CYP24A1: variants seen among roughly 807,000 people sequenced by gnomAD.
CYP24A1 encodes the protein 1,25-dihydroxyvitamin D(3) 24-hydroxylase, mitochondrial.
In CYP24A1, 68 loss-of-function variants were observed where a neutral mutation model predicts 62.4. The observed-to-expected ratio is 1.09, with a 90% CI of 0.90 to 1.33. The LOEUF is 1.33. Among genes scored for constraint, CYP24A1 ranks in the 40% most tolerant of loss-of-function variants. CYP24A1 has a pLI of 0.00. For synonymous variants in CYP24A1, 267 were observed against 253.0 expected, an observed-to-expected ratio of 1.06 and a Z score of -0.52; for missense variants, 787 against 653.0, an observed-to-expected ratio of 1.21 and a Z score of -2.24.
In CYP24A1 at chr20:54,158,949, G is replaced by C. The variant is rs757064428; in HGVS notation, c.1157+8C>G. ...CACATTTATATTGGCTCAGAGATAG[G>C]CTCTTACCTCATAGATTCTTTCAGA... On this transcript the variant is annotated splice_region_variant and intron_variant, in intron 8 of 11. Coordinates refer to ENST00000216862, the MANE Select transcript of CYP24A1 (RefSeq NM_000782.5). The C allele has an allele frequency of 6.2e-7, 1 of 1,614,108 alleles. No homozygotes were observed. Among genetic ancestry groups the C allele is most frequent in the South Asian group, 1.1e-5 (1 of 91,074 alleles).
chr20:54,157,358 C>T lies in CYP24A1; in HGVS notation c.1434+30G>A, dbSNP rs547249121. ...TTCTGCCTTGTGAAACAGCACAGAA[C>T]ATAATTGCAGAAACCGGTAAAGGTT... is the stretch of plus-strand genomic sequence containing the variant. On this transcript the variant is annotated intron_variant, in intron 10 of 11. Coordinates refer to ENST00000216862, the MANE Select transcript of CYP24A1 (RefSeq NM_000782.5). The T allele has an allele frequency of 7.9e-6, 12 of 1,512,338 alleles. No individual in the cohort carries two copies. In the South Asian group the frequency reaches 1.1e-4, roughly 14 times the overall value. The allele number at this position is 1,512,338 out of a possible 1,614,324, so 93.7% of individuals were successfully genotyped here. A position where few individuals can be genotyped will look rare whatever the true frequency, so the allele number is the denominator to read the frequency against.
At chr20:54,152,336 C>T (rs74859533), downstream of CYP24A1, among the ~76,000 whole-genome samples, 1,680 of 152,346 alleles carry the variant, frequency 0.011, 33 homozygotes, top group African/African-American at 0.038. Flanking sequence ...CTGCAATGTA[C>T]ACTCCAGAGC....
downstream of CYP24A1, among the ~76,000 whole-genome samples, chr20:54,152,092 C>T (rs991589874): frequency 3.3e-5 from 5 of 152,212 alleles, no homozygotes; most frequent in African/African-American, 1.2e-4. Context: ...TTGCTCCACC[C>T]TGTGCTCCTC....
At chr20:54,156,842 C>A (rs2092629686) in intron 11 of CYP24A1, among the ~76,000 whole-genome samples, 1 of 152,142 alleles carries the variant, frequency 6.6e-6, no homozygotes, top group Non-Finnish European at 1.5e-5. Flanking sequence ...CCAACTGGCC[C>A]TTTACGGAAA....
chr20:54,161,163 C>A (rs1239193369), intron 7 of CYP24A1, among the ~76,000 whole-genome samples: 1 of 152,262 alleles, frequency 6.6e-6, no homozygotes, highest in African/African-American at 2.4e-5. Flanking sequence ...CAGCTCTGAC[C>A]ACATTTACTA....
At chr20:54,167,629 C>G (rs1428530213) in intron 4 of CYP24A1, among the ~76,000 whole-genome samples, 1 of 152,070 alleles carries the variant, frequency 6.6e-6, no homozygotes, top group Non-Finnish European at 1.5e-5. Context: ...AAAAATCAGC[C>G]AGGCATGGTG....
intron 4 of CYP24A1, among the ~76,000 whole-genome samples, chr20:54,166,579 C>T (rs1460133935): frequency 1.3e-5 from 2 of 152,174 alleles, no homozygotes; most frequent in East Asian, 3.8e-4. Flanking sequence ...AATACTTTAG[C>T]AGTAATGTCC....
chr20:54,164,413 T>C, intron 6 of CYP24A1, 39 bp downstream of exon 6: 1 of 1,613,836 alleles, frequency 6.2e-7, no homozygotes, highest in Non-Finnish European at 8.5e-7. Context: ...ACGGGGGTGC[T>C]GGGCTGGTTC....
At position 54,162,734 on chromosome 20, in the gene CYP24A1, G is replaced by A; in HGVS notation, c.973C>T (p.Leu325=). The change falls in exon 7 of 12, where the codon CTG becomes TTG. Residue 325 remains leucine, a synonymous_variant. Transcript: ENST00000216862. ...ELYAAVTELQ[L]AAVETTANSL... is the part of the protein sequence containing the mutation. Reference sequence around the variant, plus strand: ...ACCCTTACCGTTTCCACCGCAGCCAGCTGGAGCTCTGTGACAGCAGCATAC... The same window carrying A: ...ACCCTTACCGTTTCCACCGCAGCCAACTGGAGCTCTGTGACAGCAGCATAC... 1 of 1,602,452 alleles carries A rather than the reference G, an allele frequency of 6.2e-7. No homozygotes were observed.
In CYP24A1 at chr20:54,171,666, C is replaced by T; in HGVS notation, c.454G>A (p.Gly152Arg). 1 of 1,613,892 alleles carries T rather than the reference C, an allele frequency of 6.2e-7. No homozygotes were observed. The highest frequency in any genetic ancestry group is 8.5e-7 in the Non-Finnish European group (1 of 1,179,892). Residue 152 changes from glycine to arginine, a missense_variant, in exon 3 of 12, where the codon GGG (glycine) becomes AGG (arginine). Gly to Arg is a moderately radical substitution (Grantham distance 125). Transcript: ENST00000216862. The stretch of plus-strand genomic sequence containing the variant: ...CTCCGGACCCGCTGCCAGTCTTCCC[C>T]TTCCCTGTGAGAGAAGCAGGAATAC... ...KEGYGLLILEGEDWQRVRSAF... is the reference protein window; with the variant it reads ...KEGYGLLILEREDWQRVRSAF...
chr20:54,162,685 A>G (rs1164231167), intron 7 of CYP24A1, 32 bp downstream of exon 7: 4 of 1,439,412 alleles, frequency 2.8e-6, no homozygotes, highest in Non-Finnish European at 2.9e-6. Context: ...CAGACCGTTC[A>G]TTTAGCAAAC....
chr20:54,159,015 G>C lies in CYP24A1; in HGVS notation c.1099C>G (p.Arg367Gly), dbSNP rs753774862. 6.2e-7 allele frequency: 1 copy of C among 1,614,106 alleles called. No homozygotes were observed. The highest frequency in any genetic ancestry group is 8.5e-7 in the Non-Finnish European group (1 of 1,180,014). ...QSVLPENQVP[R>G]AEDLRNMPYL... The stretch of plus-strand genomic sequence containing the variant: ...GGCATATTCCTCAAATCTTCTGCCC[G>C]TGGCACCTGATTCTCAGGTAATACA... Residue 367 changes from arginine to glycine, a missense_variant, in exon 8 of 12, where the codon CGG becomes GGG. Transcript: ENST00000216862.
chr20:54,168,068 C>T (rs1452898570), intron 4 of CYP24A1, among the ~76,000 whole-genome samples: 1 of 152,180 alleles, frequency 6.6e-6, no homozygotes, highest in African/African-American at 2.4e-5. Context: ...TCTGCAGGGA[C>T]ACTCTCCTTC....
At chr20:54,161,269 C>A (rs538558753) in intron 7 of CYP24A1, among the ~76,000 whole-genome samples, 1 of 152,356 alleles carries the variant, frequency 6.6e-6, no homozygotes, top group South Asian at 2.1e-4. Flanking sequence ...CTGTGGCTGG[C>A]TCTTCTCATT....
rs564156074 is a variant in CYP24A1 at position 54,168,287 on chromosome 20, T to C, written c.640+1305A>G. ...CCCATGGGCAGTGAGCTCTGCCCTT[T>C]ATTTCCAGAGTAATCTTTGAAGAAA... On this transcript the variant is annotated intron_variant, in intron 4 of 11. Coordinates refer to ENST00000216862, the MANE Select transcript of CYP24A1 (RefSeq NM_000782.5). Among the ~76,000 whole-genome samples the C allele has an allele frequency of 5.3e-5, 8 of 152,328 alleles. No homozygotes were observed. The South Asian group carries it at 1.7e-3, about 32-fold the overall frequency.
In CYP24A1 at chr20:54,157,926, A is replaced by G. The variant is rs1225279843; in HGVS notation, c.1236+160T>C. On this transcript the variant is annotated intron_variant, in intron 9 of 11. Transcript: ENST00000216862. ...CAGGTCTCTGTCTCCATAGCCGTGA[A>G]TTCTAATTCTATACTATGCAACATG... 2.0e-5 allele frequency among the ~76,000 whole-genome samples: 3 copies of G among 152,242 alleles called. No homozygotes were observed. In the East Asian group the frequency reaches 5.8e-4, roughly 29 times the overall value.
rs552082262 is a variant in CYP24A1, at chr20:54,164,467, T to C, written c.829A>G (p.Thr277Ala). ...GGCCCTTTACCTGATTTGAAAATGG[T>C]GTCCCAGGCCAGAGTGTGGTCCTGC... Reference protein sequence around the residue: ...VWQDHTLAWDTIFKSVKACID... With the variant: ...VWQDHTLAWDAIFKSVKACID... Residue 277 changes from threonine to alanine, a missense_variant, in exon 6 of 12, where the codon ACC becomes GCC. Coordinates refer to ENST00000216862, the MANE Select transcript of CYP24A1 (RefSeq NM_000782.5). 3 of 1,614,152 alleles carry C rather than the reference T, an allele frequency of 1.9e-6. No homozygotes were observed. The highest frequency in any genetic ancestry group is 1.3e-5 in the African/African-American group (1 of 75,030).
intron 6 of CYP24A1, among the ~76,000 whole-genome samples, chr20:54,164,177 C>T (rs949490628): frequency 1.3e-5 from 2 of 152,198 alleles, no homozygotes; most frequent in African/African-American, 4.8e-5. Flanking sequence ...CTCAAGTGAT[C>T]TGCTCGCCTG....
At position 54,173,538 on chromosome 20, in the gene CYP24A1, G is replaced by A. The variant is rs753594473; in HGVS notation, c.42C>T (p.Phe14=). ...PISKSRSLAA[F]LQQLRSPRQP... is the part of the protein sequence containing the mutation. The stretch of plus-strand genomic sequence containing the variant: ...GCCTCGGACTGCGCAGCTGCTGCAG[G>A]AAGGCGGCAAGCGAGCGGCTCTTGC... Residue 14 remains phenylalanine (F), a synonymous_variant, in exon 1 of 12, where the codon TTC becomes TTT. Transcript: ENST00000216862. The surrounding 1 kb of genome is among the most constrained non-coding windows in gnomAD (Gnocchi z 7.2). 8.9e-6 allele frequency: 14 copies of A among 1,580,860 alleles called. No homozygotes were observed. In the South Asian group the frequency reaches 1.4e-4, roughly 16 times the overall value.
Sources: gnomAD v4.1 joint callset for allele counts (sites outside exome capture counted in the v4.1 genomes callset) on GRCh38, gnomAD v4.1.1 for gene constraint, Gnocchi (gnomAD v3.1) non-coding constraint, MANE v1.5 for transcripts, NCBI Gene and HGNC (gene_info 2026-07-23, HGNC 2026-07-21) for gene names.